C12orf56: variants seen among roughly 807,000 people sequenced by gnomAD.
The protein encoded by C12orf56 is chromosome 12 open reading frame 56.
C12orf56 carries 71 observed loss-of-function variants against 69.9 expected under a neutral mutation model. The observed-to-expected ratio is 1.02, with a 90% CI of 0.84 to 1.24. The LOEUF (loss-of-function observed/expected upper bound fraction) is 1.24, where lower values mean the gene tolerates loss of function less well. C12orf56 is among the 50% of genes most tolerant of loss of function. The probability of loss-of-function intolerance (pLI) is 0.00; values close to 1 mark genes in which losing one functional copy is unlikely to be tolerated. For missense variants in C12orf56, 732 were observed against 738.5 expected (o/e 0.99, Z 0.10); for synonymous variants, 276 against 274.1 (o/e 1.01, Z -0.07).
chr12:64,319,875 G>C (rs1370133185), intron 3 of C12orf56, among the ~76,000 whole-genome samples: 1 of 152,202 alleles, frequency 6.6e-6, no homozygotes, highest in African/African-American at 2.4e-5. Flanking sequence ...CCTTTTATGG[G>C]AGCTCTGTTT....
intron 2 of C12orf56, among the ~76,000 whole-genome samples, chr12:64,335,709 C>T (rs2038988211): frequency 6.6e-6 from 1 of 152,000 alleles, no homozygotes. Flanking sequence ...AGCATCTTTT[C>T]CTCTATATAT....
At chr12:64,280,978 C>G (rs974961082) in intron 8 of C12orf56, among the ~76,000 whole-genome samples, 1 of 152,134 alleles carries the variant, frequency 6.6e-6, no homozygotes, top group Non-Finnish European at 1.5e-5. Flanking sequence ...CAATAGAAAA[C>G]TAATACAATT....
At chr12:64,369,987 A>C (rs1238117904) in intron 1 of C12orf56, among the ~76,000 whole-genome samples, 1 of 150,690 alleles carries the variant, frequency 6.6e-6, no homozygotes, top group Non-Finnish European at 1.5e-5. Flanking sequence ...TGTCTCAAAA[A>C]AAAAAAAAAA....
intron 2 of C12orf56, among the ~76,000 whole-genome samples, chr12:64,347,237 CAA>C (rs964812368): frequency 6.6e-6 from 1 of 150,780 alleles, no homozygotes; most frequent in Non-Finnish European, 1.5e-5. Flanking sequence ...CTCAGCCTCC[CAA>C]AGTGCTGAGA....
intron 5 of C12orf56, among the ~76,000 whole-genome samples, chr12:64,308,938 AAG>A (rs938699595): frequency 2.0e-4 from 8 of 40,030 alleles, no homozygotes; most frequent in African/African-American, 4.9e-4. Flanking sequence ...GAAAGAAAGA[AAG>A]AAGAAAGAAA....
At chr12:64,380,717 C>A (rs2039709002) in intron 1 of C12orf56, among the ~76,000 whole-genome samples, 1 of 152,088 alleles carries the variant, frequency 6.6e-6, no homozygotes, top group Non-Finnish European at 1.5e-5. Flanking sequence ...ACAAAAGAAC[C>A]AACCCCTAAG....
chr12:64,284,540 G>T, intron 8 of C12orf56, 124 bp downstream of exon 8: 1 of 606,410 alleles, frequency 1.6e-6, no homozygotes, highest in Non-Finnish European at 2.7e-6. Flanking sequence ...AAACAAAAGA[G>T]TGAAATATAC....
At position 64,264,795 on chromosome 12, in the gene C12orf56, C is replaced by T. The variant is rs1211563512; in HGVS notation, c.*2388G>A. Reference sequence around the variant, plus strand: ...GGACAATCCTTCGAATTATTAGTTTCTGATCCCAGACTGTGCAAATGAATA... The same window carrying T: ...GGACAATCCTTCGAATTATTAGTTTTTGATCCCAGACTGTGCAAATGAATA... On this transcript the variant is annotated 3_prime_UTR_variant, in exon 13 of 13. Coordinates refer to ENST00000543942, the MANE Select transcript of C12orf56 (RefSeq NM_001170633.2). 1 of 152,192 alleles carries T rather than the reference C, an allele frequency of 6.6e-6. No homozygotes were observed. Among genetic ancestry groups the T allele is most frequent in the African/African-American group, 2.4e-5 (1 of 41,450 alleles). The allele number at this position is 152,192 out of a possible 1,614,324, so 9.4% of individuals were successfully genotyped here. A position where few individuals can be genotyped will look rare whatever the true frequency, so the allele number is the denominator to read the frequency against.
At chr12:64,338,527 G>C in intron 2 of C12orf56, 1 of 1,249,696 alleles carries the variant, frequency 8.0e-7, no homozygotes. Flanking sequence ...CTGTGGTAAG[G>C]TCATCCCTCA....
At chr12:64,324,568 A>G (rs1178454804) in intron 3 of C12orf56, among the ~76,000 whole-genome samples, 2 of 152,242 alleles carry the variant, frequency 1.3e-5, no homozygotes, top group East Asian at 3.8e-4. Flanking sequence ...TGCTCCAACT[A>G]TTGAGATGAA....
At chr12:64,331,933 GTTC>G (rs2136866810) in intron 2 of C12orf56, among the ~76,000 whole-genome samples, 1 of 149,516 alleles carries the variant, frequency 6.7e-6, no homozygotes, top group Non-Finnish European at 1.5e-5. Context: ...TACCATGAGG[GTTC>G]TTATCCTTAA....
chr12:64,356,096 G>A (rs922245725), intron 1 of C12orf56, among the ~76,000 whole-genome samples: 4 of 150,644 alleles, frequency 2.7e-5, no homozygotes, highest in South Asian at 2.1e-4. Flanking sequence ...CCCGGGAGGT[G>A]GAGGTTGCAG....
At chr12:64,379,858 C>T (rs1171056861) in intron 1 of C12orf56, among the ~76,000 whole-genome samples, 4 of 146,380 alleles carry the variant, frequency 2.7e-5, no homozygotes, top group Non-Finnish European at 4.5e-5. Flanking sequence ...CCGAGGTGGG[C>T]GGATCACAAG....
At chr12:64,367,213 C>CATACAGTTTATATATTATATAACAT (rs1315315025) in intron 1 of C12orf56, among the ~76,000 whole-genome samples, 1 of 14,124 alleles carries the variant, frequency 7.1e-5, no homozygotes, top group African/African-American at 1.5e-4. Flanking sequence ...TTATATATAA[C>CATACAGTTTATATATTATATAACAT]ATACAGTTTA....
At chr12:64,315,263 G>A (rs1235416878) in intron 4 of C12orf56, among the ~76,000 whole-genome samples, 1 of 150,940 alleles carries the variant, frequency 6.6e-6, no homozygotes, top group Non-Finnish European at 1.5e-5. Context: ...ATGGTGGCAA[G>A]GGAGATATGT....
intron 1 of C12orf56, among the ~76,000 whole-genome samples, chr12:64,380,136 A>AAAAAAAAAAAAAAAAAC (rs1565783175): frequency 5.4e-5 from 2 of 37,026 alleles, no homozygotes; most frequent in African/African-American, 1.6e-4. Context: ...AAAAAAAAAC[A>AAAAAAAAAAAAAAAAAC]AAACAAACAA....
intron 3 of C12orf56, among the ~76,000 whole-genome samples, chr12:64,327,310 T>A (rs1227209272): frequency 2.0e-5 from 3 of 152,176 alleles, no homozygotes; most frequent in Non-Finnish European, 4.4e-5. Flanking sequence ...GAGCACAGAA[T>A]GGGAGAAATG....
intron 2 of C12orf56, among the ~76,000 whole-genome samples, chr12:64,345,611 T>C (rs1172628724): frequency 6.6e-6 from 1 of 152,194 alleles, no homozygotes; most frequent in Non-Finnish European, 1.5e-5. Flanking sequence ...AGCTTGTGTC[T>C]GTTTTTCCAC....
intron 5 of C12orf56, among the ~76,000 whole-genome samples, chr12:64,308,703 C>T (rs368609811): frequency 1.4e-4 from 21 of 150,910 alleles, no homozygotes; most frequent in Admixed American, 1.3e-4. Flanking sequence ...ATTAGCAGGG[C>T]GTGGTGGTGC....
Sources: allele counts gnomAD v4.1 joint callset (sites outside exome capture counted in the v4.1 genomes callset), GRCh38; gene constraint gnomAD v4.1.1; transcripts MANE v1.5; gene names NCBI Gene and HGNC (gene_info 2026-07-23, HGNC 2026-07-21).